TBC1D5: variants seen among roughly 807,000 people sequenced by gnomAD.
TBC1D5 encodes TBC1 domain family member 5.
TBC1D5 carries 75 observed loss-of-function variants against 100.3 expected under a neutral mutation model. That is an observed-to-expected ratio of 0.75 (90% CI 0.62 to 0.91). The LOEUF (loss-of-function observed/expected upper bound fraction) is 0.91, where lower values mean the gene tolerates loss of function less well. Among genes scored for constraint, TBC1D5 ranks in the 40% least tolerant of loss-of-function variants. The probability of loss-of-function intolerance (pLI) is 0.00; values close to 1 mark genes in which losing one functional copy is unlikely to be tolerated. For synonymous variants in TBC1D5, 323 were observed against 325.6 expected, an observed-to-expected ratio of 0.99 and a Z score of 0.09; for missense variants, 910 against 942.4, an observed-to-expected ratio of 0.97 and a Z score of 0.45.
intron 15 of TBC1D5, among the ~76,000 whole-genome samples, chr3:17,262,456 T>C (rs1337818269): frequency 2.0e-5 from 3 of 151,686 alleles, no homozygotes; most frequent in African/African-American, 7.3e-5. Context: ...ACTTCAACTA[T>C]CATGAGCATT....
At chr3:17,673,717 T>C (rs1451849820) in intron 1 of TBC1D5, among the ~76,000 whole-genome samples, 3 of 152,190 alleles carry the variant, frequency 2.0e-5, no homozygotes, top group South Asian at 2.1e-4. Flanking sequence ...CGTGAAGGTC[T>C]ATCTTCTTTA....
At chr3:17,507,203 T>C (rs939881541) in intron 3 of TBC1D5, among the ~76,000 whole-genome samples, 5 of 152,232 alleles carry the variant, frequency 3.3e-5, no homozygotes, top group African/African-American at 9.6e-5. Context: ...CGAATGCTTC[T>C]TATGAGTATT....
intron 1 of TBC1D5, among the ~76,000 whole-genome samples, chr3:17,711,110 TA>T (rs1214630094): frequency 6.6e-6 from 1 of 152,194 alleles, no homozygotes; most frequent in Non-Finnish European, 1.5e-5. Context: ...TCTAAAATGA[TA>T]CTAGAGTTTG....
chr3:17,450,546 C>T (rs905103473), intron 3 of TBC1D5, among the ~76,000 whole-genome samples: 2 of 152,020 alleles, frequency 1.3e-5, no homozygotes, highest in East Asian at 1.9e-4. Context: ...ATAAATGACC[C>T]GATAGAGCTA....
chr3:17,621,617 T>C (rs1012879145), intron 2 of TBC1D5, among the ~76,000 whole-genome samples: 2 of 152,232 alleles, frequency 1.3e-5, no homozygotes, highest in Non-Finnish European at 2.9e-5. Context: ...GTCCCATAAT[T>C]GTCCTTTCCT....
intron 1 of TBC1D5, among the ~76,000 whole-genome samples, chr3:17,708,870 TA>T (rs1465371294): frequency 1.3e-5 from 2 of 152,216 alleles, no homozygotes; most frequent in Non-Finnish European, 2.9e-5. Flanking sequence ...GTTTTTCCAA[TA>T]AAATACATCT....
intron 18 of TBC1D5, among the ~76,000 whole-genome samples, chr3:17,200,759 G>A (rs992091899): frequency 1.3e-5 from 2 of 152,130 alleles, no homozygotes; most frequent in Non-Finnish European, 2.9e-5. Flanking sequence ...GTAACATCAC[G>A]GCTGAATAGG....
At chr3:17,489,475 TG>T (rs903278062) in intron 3 of TBC1D5, among the ~76,000 whole-genome samples, 1 of 152,204 alleles carries the variant, frequency 6.6e-6, no homozygotes, top group African/African-American at 2.4e-5. Context: ...CTTGTATTTT[TG>T]TTTTGCTGTC....
At chr3:17,158,217 A>C (rs1041842804) in exon 22 of TBC1D5, 1 of 152,268 alleles carries the variant, frequency 6.6e-6, no homozygotes, top group African/African-American at 2.4e-5. Flanking sequence ...CATGAAACAC[A>C]TAGGGACACA....
At chr3:17,692,935 G>C (rs1342630205) in intron 1 of TBC1D5, among the ~76,000 whole-genome samples, 1 of 152,260 alleles carries the variant, frequency 6.6e-6, no homozygotes, top group Non-Finnish European at 1.5e-5. Flanking sequence ...TTCAAGACCA[G>C]CCTGGGCAAC....
chr3:17,486,200 GT>G (rs1309977619), intron 3 of TBC1D5, among the ~76,000 whole-genome samples: 2 of 151,946 alleles, frequency 1.3e-5, no homozygotes, highest in Non-Finnish European at 2.9e-5. Flanking sequence ...TTTTTTTCTT[GT>G]AAATTTGTTT....
chr3:17,529,331 T>C (rs2096184657), intron 2 of TBC1D5, among the ~76,000 whole-genome samples: 1 of 152,162 alleles, frequency 6.6e-6, no homozygotes, highest in South Asian at 2.1e-4. Context: ...GCTTGCAATA[T>C]CTCTGTCCCG....
intron 3 of TBC1D5, 145 bp downstream of exon 3, chr3:17,508,329 C>A: frequency 1.7e-6 from 1 of 599,112 alleles, no homozygotes; most frequent in Non-Finnish European, 3.0e-6. Context: ...GTGCTCTGTA[C>A]ATATCCAGAA....
intron 16 of TBC1D5, among the ~76,000 whole-genome samples, chr3:17,251,433 C>CA (rs896649424): frequency 1.0e-4 from 15 of 144,524 alleles, no homozygotes; most frequent in Middle Eastern, 3.5e-3. Context: ...GAACCCCCCC[C>CA]CCCCCAGTAG....
intron 16 of TBC1D5, among the ~76,000 whole-genome samples, chr3:17,241,787 T>C (rs1356786402): frequency 6.6e-6 from 1 of 152,164 alleles, no homozygotes; most frequent in African/African-American, 2.4e-5. Flanking sequence ...TCAATTTCTG[T>C]GTTGTGTTAA....
intron 13 of TBC1D5, among the ~76,000 whole-genome samples, chr3:17,361,647 T>C (rs1229130753): frequency 6.6e-6 from 1 of 151,958 alleles, no homozygotes; most frequent in Admixed American, 6.6e-5. Context: ...TAACCCATGG[T>C]ACAAAAAGGA....
intron 9 of TBC1D5, among the ~76,000 whole-genome samples, chr3:17,378,922 ATCT>A (rs1218975342): frequency 6.6e-6 from 1 of 151,846 alleles, no homozygotes; most frequent in African/African-American, 2.4e-5. Flanking sequence ...TGAATAACCC[ATCT>A]TCTCCCCAGA....
intron 4 of TBC1D5, among the ~76,000 whole-genome samples, chr3:17,419,470 A>G (rs994520211): frequency 8.5e-5 from 13 of 152,154 alleles, no homozygotes; most frequent in African/African-American, 3.1e-4. Context: ...TGTGTTTTTG[A>G]CAAACTGAAA....
At chr3:17,587,723 T>C (rs1486813547) in intron 2 of TBC1D5, among the ~76,000 whole-genome samples, 4 of 152,066 alleles carry the variant, frequency 2.6e-5, no homozygotes, top group African/African-American at 9.6e-5. Flanking sequence ...TTCTGAATTA[T>C]ATTATACATA....
Sources: allele counts gnomAD v4.1 joint callset (sites outside exome capture counted in the v4.1 genomes callset), GRCh38; gene constraint gnomAD v4.1.1; transcripts MANE v1.5; gene names NCBI Gene and HGNC (gene_info 2026-07-23, HGNC 2026-07-21).